The following CARMIL1 variants were observed in gnomAD, a reference collection of about 807,000 sequenced individuals.
CARMIL1 encodes capping protein regulator and myosin 1 linker 1.
In CARMIL1, 90 loss-of-function variants were observed where a neutral mutation model predicts 177.1. The ratio of observed to expected loss-of-function variants is 0.51; its 90% CI spans 0.43 to 0.61. The LOEUF (loss-of-function observed/expected upper bound fraction) is 0.61, where lower values mean the gene tolerates loss of function less well. Ranked by LOEUF, CARMIL1 falls within the 20% of genes least tolerant of loss-of-function variation. The pLI is 0.00. For synonymous variants in CARMIL1, 577 were observed against 606.2 expected (o/e 0.95, Z 0.71); for missense variants, 1,380 against 1,667.0 (o/e 0.83, Z 3.00).
intron 4 of CARMIL1, among the ~76,000 whole-genome samples, chr6:25,432,038 C>G (rs144844730): frequency 4.6e-5 from 7 of 152,142 alleles, no homozygotes; most frequent in Non-Finnish European, 7.4e-5. Flanking sequence ...CAGCAGTACC[C>G]TTCTCTCTGT....
intron 2 of CARMIL1, among the ~76,000 whole-genome samples, chr6:25,296,892 T>TA (rs1491363497): frequency 2.0e-5 from 2 of 100,604 alleles, no homozygotes; most frequent in Non-Finnish European, 3.9e-5. Flanking sequence ...AATATCTATC[T>TA]TTATCTATCT....
rs572155360 is a variant in CARMIL1, at chr6:25,618,864, TTAAAG to T, written c.3980-580_3980-576del. ...GTATTTAATGCTTTTTCACTAGACT[TTAAAG>T]TATTTATTTCCTAGAGGGTGAAACT... is the stretch of plus-strand genomic sequence containing the variant. On this transcript the variant is annotated intron_variant, in intron 36 of 36. Coordinates refer to ENST00000329474, the MANE Select transcript of CARMIL1 (RefSeq NM_017640.6). 3.6e-3 allele frequency among the ~76,000 whole-genome samples: 542 copies of T among 152,312 alleles called. 1 individual carries two copies. Among genetic ancestry groups the T allele is most frequent in the African/African-American group, 0.013 (531 of 41,556 alleles).
chr6:25,478,799 G>GAA (rs111562802), intron 11 of CARMIL1, among the ~76,000 whole-genome samples: 1 of 144,718 alleles, frequency 6.9e-6, no homozygotes. Context: ...CCATCTTGGG[G>GAA]AAAAAAAAAA....
Position 25,515,929 on chromosome 6 carries a change from C to G in CARMIL1, c.1805+82C>G. On this transcript the variant is annotated intron_variant, in intron 21 of 36. Transcript: ENST00000329474. The surrounding 1 kb of genome is among the most constrained non-coding windows in gnomAD (Gnocchi z 5.0). ...GCAAGCATTGCAGAGCTGCTGGGCC[C>G]GAGGGGACCTGGGCTTCCCATGAGG... is the stretch of plus-strand genomic sequence containing the variant. 1 of 1,417,204 alleles carries G rather than the reference C, an allele frequency of 7.1e-7. No individual in the cohort carries two copies. Among genetic ancestry groups the G allele is most frequent in the Non-Finnish European group, 9.5e-7 (1 of 1,055,464 alleles). The allele number at this position is 1,417,204 out of a possible 1,614,324, so 87.8% of individuals were successfully genotyped here.
intron 17 of CARMIL1, among the ~76,000 whole-genome samples, chr6:25,506,460 C>T (rs1013760092): frequency 6.6e-6 from 1 of 152,116 alleles, no homozygotes; most frequent in African/African-American, 2.4e-5. Context: ...GCAGGAGAAT[C>T]GCTTGAACCT....
intron 31 of CARMIL1, among the ~76,000 whole-genome samples, chr6:25,590,030 AT>A (rs1015696984): frequency 2.5e-4 from 38 of 152,226 alleles, no homozygotes; most frequent in Non-Finnish European, 8.8e-5. Context: ...AATGAATCAT[AT>A]TTCCATCCCC....
Position 25,606,190 on chromosome 6 carries a change from C to T in CARMIL1, c.3764C>T (p.Pro1255Leu), listed in dbSNP as rs749483046. The change falls in exon 35 of 37, where the codon CCG (proline) becomes CTG (leucine). Residue 1255 changes from proline (P) to leucine (L), a missense_variant. Transcript: ENST00000329474. ...SRSSSSTPTSPKPLLQSPKPS... is the reference protein window; with the variant it reads ...SRSSSSTPTSLKPLLQSPKPS... ...AGCTCATCCAGCACACCTACGAGCCCGAAGCCCCTCCTGCAGTCCCCCAAA... is the reference window on the plus strand; with the variant it reads ...AGCTCATCCAGCACACCTACGAGCCTGAAGCCCCTCCTGCAGTCCCCCAAA... 36 of 1,613,976 alleles carry T rather than the reference C, an allele frequency of 2.2e-5. 1 individual carries two copies. The highest frequency in any genetic ancestry group is 2.9e-5 in the Non-Finnish European group (34 of 1,179,882).
chr6:25,613,569 C>G (rs1290648890), intron 36 of CARMIL1, among the ~76,000 whole-genome samples: 1 of 152,154 alleles, frequency 6.6e-6, no homozygotes, highest in African/African-American at 2.4e-5. Context: ...AGACAGATTT[C>G]AAATCAGCTC....
chr6:25,334,093 CT>C (rs2150294957), intron 2 of CARMIL1, among the ~76,000 whole-genome samples: 1 of 152,310 alleles, frequency 6.6e-6, no homozygotes, highest in African/African-American at 2.4e-5. Context: ...CAACACACCC[CT>C]GGTGGCTGTT....
At chr6:25,481,608 C>T (rs893138227) in intron 11 of CARMIL1, among the ~76,000 whole-genome samples, 26 of 152,178 alleles carry the variant, frequency 1.7e-4, no homozygotes, top group African/African-American at 6.3e-4. Context: ...AGAAAACAGT[C>T]TATGCTCATT....
At chr6:25,535,971 T>G (rs1297553909) in intron 24 of CARMIL1, among the ~76,000 whole-genome samples, 2 of 152,210 alleles carry the variant, frequency 1.3e-5, no homozygotes, top group South Asian at 4.1e-4. Flanking sequence ...AATGTTCTAC[T>G]TAAAGACCAT....
At chr6:25,517,768 T>A (rs1806157272) in intron 22 of CARMIL1, among the ~76,000 whole-genome samples, 1 of 152,218 alleles carries the variant, frequency 6.6e-6, no homozygotes, top group African/African-American at 2.4e-5. Flanking sequence ...TTGTTCTTTT[T>A]CCTATTGTGA....
At position 25,350,709 on chromosome 6, in the gene CARMIL1, C is replaced by T. The variant is rs577240692; in HGVS notation, c.138+65800C>T. On this transcript the variant is annotated intron_variant, in intron 2 of 36. Transcript: ENST00000329474. ...GGAGAGAGGGAATTTGGAACAGGGA[C>T]TTGTAATAGAATCTGAGATGAGGTT... The T allele has an allele frequency of 3.3e-5, 5 of 152,230 alleles. No individual in the cohort carries two copies. The South Asian group carries it at 8.3e-4, about 25-fold the overall frequency. The allele number at this position is 152,230 out of a possible 1,614,324, so 9.4% of individuals were successfully genotyped here. A position where few individuals can be genotyped will look rare whatever the true frequency, so the allele number is the denominator to read the frequency against.
intron 2 of CARMIL1, among the ~76,000 whole-genome samples, chr6:25,402,029 A>AAAT (rs1400041721): frequency 5.4e-4 from 74 of 138,276 alleles, no homozygotes; most frequent in African/African-American, 1.9e-3. Context: ...TTCCCTTTTT[A>AAAT]TGCCTTCCTA....
chr6:25,606,329 G>A (rs1815966988), intron 35 of CARMIL1, 56 bp downstream of exon 35: 1 of 1,528,478 alleles, frequency 6.5e-7, no homozygotes, highest in South Asian at 1.2e-5. Context: ...CCCAGAGCCA[G>A]CTGGATCAGA....
At chr6:25,453,333 C>T (rs926079041) in intron 8 of CARMIL1, among the ~76,000 whole-genome samples, 1 of 151,422 alleles carries the variant, frequency 6.6e-6, no homozygotes, top group African/African-American at 2.4e-5. Flanking sequence ...GAATGTCTAC[C>T]AAATCCCAAA....
intron 31 of CARMIL1, among the ~76,000 whole-genome samples, chr6:25,585,809 A>G (rs1813592474): frequency 6.6e-6 from 1 of 152,092 alleles, no homozygotes; most frequent in Admixed American, 6.5e-5. Context: ...CACCGCCCTT[A>G]ATCCATTTAA....
chr6:25,425,052 T>C (rs561446002), intron 3 of CARMIL1, among the ~76,000 whole-genome samples: 1 of 152,346 alleles, frequency 6.6e-6, no homozygotes, highest in African/African-American at 2.4e-5. Flanking sequence ...AAATGACTTT[T>C]CAAAACCAAA....
chr6:25,408,823 GAAA>G (rs112760197), intron 2 of CARMIL1, among the ~76,000 whole-genome samples: 159 of 112,962 alleles, frequency 1.4e-3, no homozygotes, highest in African/African-American at 4.1e-3. Flanking sequence ...ACATAAAATA[GAAA>G]AAAAAAAAAA....
Sources: gnomAD v4.1 joint callset for allele counts (sites outside exome capture counted in the v4.1 genomes callset) on GRCh38, gnomAD v4.1.1 for gene constraint, Gnocchi (gnomAD v3.1) non-coding constraint, MANE v1.5 for transcripts, NCBI Gene and HGNC (gene_info 2026-07-23, HGNC 2026-07-21) for gene names.